The following LRBA variants were observed in gnomAD, a reference collection of about 807,000 sequenced individuals.
The protein encoded by LRBA is lipopolysaccharide-responsive and beige-like anchor protein.
In LRBA, 176 loss-of-function variants were observed where a neutral mutation model predicts 330.0. The observed-to-expected ratio is 0.53, with a 90% CI of 0.47 to 0.60. The LOEUF (loss-of-function observed/expected upper bound fraction) is 0.60, where lower values mean the gene tolerates loss of function less well. Ranked by LOEUF, LRBA falls within the 20% of genes least tolerant of loss-of-function variation. The pLI is 0.00. For missense variants in LRBA, 3,259 were observed against 3,444.8 expected (o/e 0.95, Z 1.35); for synonymous variants, 1,230 against 1,193.0 (o/e 1.03, Z -0.64).
At chr4:150,856,444 T>C (rs2126938486) in intron 22 of LRBA, among the ~76,000 whole-genome samples, 1 of 152,328 alleles carries the variant, frequency 6.6e-6, no homozygotes, top group Admixed American at 6.5e-5. Flanking sequence ...TATCCTGCAG[T>C]GCCTTCTTAA....
rs1736955761 is a variant in LRBA at position 150,350,264 on chromosome 4, A to G, written c.7195-105T>C. On this transcript the variant is annotated intron_variant, in intron 47 of 56. Transcript: ENST00000651943. ...GTTTAACACTAACTTTACTGTGAACAAAGATTTTTAAAAAACAAAACTTGT... is the reference window on the plus strand; with the variant it reads ...GTTTAACACTAACTTTACTGTGAACGAAGATTTTTAAAAAACAAAACTTGT... 7.6e-6 allele frequency: 7 copies of G among 924,324 alleles called. No homozygotes were observed. In the South Asian group the frequency reaches 1.4e-4, roughly 19 times the overall value. 57.3% of individuals were successfully genotyped at this position (924,324 alleles called of 1,614,324 possible). A position where few individuals can be genotyped will look rare whatever the true frequency, so the allele number is the denominator to read the frequency against.
chr4:151,001,863 C>T (rs1460033734), intron 2 of LRBA, among the ~76,000 whole-genome samples: 1 of 152,108 alleles, frequency 6.6e-6, no homozygotes, highest in Non-Finnish European at 1.5e-5. Context: ...ATTCTCAGCC[C>T]ACTGCTGTCA....
At chr4:150,678,446 T>C (rs1329569186) in intron 37 of LRBA, among the ~76,000 whole-genome samples, 1 of 152,026 alleles carries the variant, frequency 6.6e-6, no homozygotes, top group African/African-American at 2.4e-5. Context: ...AAATATCAAC[T>C]TACTAGAAAA....
chr4:150,594,119 T>G (rs1229173699), intron 38 of LRBA, among the ~76,000 whole-genome samples: 7 of 152,112 alleles, frequency 4.6e-5, no homozygotes, highest in Admixed American at 1.3e-4. Context: ...TCTGGAATTG[T>G]TCAAGCTCCA....
At chr4:150,454,266 T>C (rs898523850) in intron 44 of LRBA, among the ~76,000 whole-genome samples, 1 of 152,104 alleles carries the variant, frequency 6.6e-6, no homozygotes, top group East Asian at 1.9e-4. Context: ...ACCTCAAAAA[T>C]TTGTATTTTA....
At chr4:150,561,521 G>C (rs1238520837) in intron 40 of LRBA, among the ~76,000 whole-genome samples, 1 of 152,130 alleles carries the variant, frequency 6.6e-6, no homozygotes, top group Non-Finnish European at 1.5e-5. Context: ...ACAAGAGGGT[G>C]GCAGATTAAG....
intron 2 of LRBA, among the ~76,000 whole-genome samples, chr4:150,987,320 T>C (rs892130161): frequency 4.6e-5 from 7 of 152,142 alleles, no homozygotes; most frequent in African/African-American, 1.4e-4. Flanking sequence ...ACTGAAGAAA[T>C]TGTGCTAATG....
In LRBA at chr4:150,828,417, G is replaced by C. The variant is rs764084722; in HGVS notation, c.4934C>G (p.Ser1645Cys). 2 of 1,614,122 alleles carry C rather than the reference G, an allele frequency of 1.2e-6. No homozygotes were observed. The highest frequency in any genetic ancestry group is 1.7e-6 in the Non-Finnish European group (2 of 1,179,998). Residue 1645 changes from serine (S) to cysteine (C), a missense_variant, in exon 30 of 57, where the codon TCT becomes TGT. Physicochemically the swap from Ser to Cys is moderately radical, Grantham distance 112 (BLOSUM62 -1). Transcript: ENST00000651943. ...DAISEVLSTL[S>C]LEVNKSPETK... The stretch of plus-strand genomic sequence containing the variant: ...TTCCGGAGACTTATTGACTTCTAAA[G>C]AAAGAGTAGATAGCACCTCGCTGAT...
At chr4:150,395,525 T>C (rs952098) in intron 47 of LRBA, among the ~76,000 whole-genome samples, 32,870 of 152,040 alleles carry the variant, frequency 0.22, 4,415 homozygotes, top group Non-Finnish European at 0.31. Flanking sequence ...CTCCATTCTT[T>C]CCTAGCTTGA....
chr4:150,317,497 TA>T (rs932347988), intron 50 of LRBA, among the ~76,000 whole-genome samples: 2 of 151,850 alleles, frequency 1.3e-5, no homozygotes, highest in African/African-American at 4.8e-5. Flanking sequence ...ACGGCTCTTT[TA>T]AAAAAAACCC....
intron 2 of LRBA, among the ~76,000 whole-genome samples, chr4:150,955,721 A>G (rs1407506132): frequency 6.7e-6 from 1 of 148,444 alleles, no homozygotes; most frequent in Non-Finnish European, 1.5e-5. Flanking sequence ...GTGAAACCCC[A>G]TCTCTACTAA....
At chr4:150,461,302 G>A (rs1310136362) in intron 44 of LRBA, among the ~76,000 whole-genome samples, 2 of 151,696 alleles carry the variant, frequency 1.3e-5, no homozygotes, top group Admixed American at 6.6e-5. Flanking sequence ...CAAACTTTCT[G>A]GGCCAAAGCT....
intron 40 of LRBA, among the ~76,000 whole-genome samples, chr4:150,539,428 T>G (rs1765077210): frequency 6.6e-6 from 1 of 152,202 alleles, no homozygotes; most frequent in Non-Finnish European, 1.5e-5. Context: ...CACTTGCCAT[T>G]TTTTGTGTGT....
chr4:150,577,392 C>A (rs1770676859), intron 40 of LRBA, among the ~76,000 whole-genome samples: 1 of 146,226 alleles, frequency 6.8e-6, no homozygotes. Context: ...ACAATTTGAC[C>A]AAAAATAAAA....
intron 2 of LRBA, among the ~76,000 whole-genome samples, chr4:151,004,534 T>C (rs143760807): frequency 6.6e-6 from 1 of 152,266 alleles, no homozygotes; most frequent in African/African-American, 2.4e-5. Flanking sequence ...TTTCTGAAAT[T>C]TTACATTTAA....
At chr4:150,631,337 A>G (rs1271691823) in intron 37 of LRBA, among the ~76,000 whole-genome samples, 1 of 152,136 alleles carries the variant, frequency 6.6e-6, no homozygotes, top group African/African-American at 2.4e-5. Flanking sequence ...AGTATGTAGT[A>G]CACCAAAAAA....
intron 42 of LRBA, among the ~76,000 whole-genome samples, chr4:150,477,576 T>C (rs1379955942): frequency 6.6e-6 from 1 of 152,082 alleles, no homozygotes; most frequent in Non-Finnish European, 1.5e-5. Flanking sequence ...CATGTGGGGA[T>C]TATAATTTGA....
chr4:150,834,345 A>C (rs905822782), intron 28 of LRBA, among the ~76,000 whole-genome samples: 2 of 152,198 alleles, frequency 1.3e-5, no homozygotes, highest in African/African-American at 2.4e-5. Context: ...TGTATGTCTT[A>C]AATAATAAGA....
chr4:150,849,364 T>C, intron 25 of LRBA, 58 bp downstream of exon 25: 2 of 1,503,716 alleles, frequency 1.3e-6, no homozygotes, highest in Non-Finnish European at 1.8e-6. Flanking sequence ...TTTTAGTCAA[T>C]AAAGTTGCAT....
Sources: allele counts gnomAD v4.1 joint callset (sites outside exome capture counted in the v4.1 genomes callset), GRCh38; gene constraint gnomAD v4.1.1; transcripts MANE v1.5; gene names NCBI Gene and HGNC (gene_info 2026-07-23, HGNC 2026-07-21).